TMEM183A: variants seen among roughly 807,000 people sequenced by gnomAD.
TMEM183A encodes the protein chromosome 1 open reading frame 37.
TMEM183A carries 21 observed loss-of-function variants against 46.7 expected under a neutral mutation model. The ratio of observed to expected loss-of-function variants is 0.45; its 90% CI spans 0.32 to 0.65. TMEM183A has a LOEUF of 0.65. Among genes scored for constraint, TMEM183A ranks in the 30% least tolerant of loss-of-function variants. The probability of loss-of-function intolerance (pLI) is 0.04; values close to 1 mark genes in which losing one functional copy is unlikely to be tolerated. For synonymous variants in TMEM183A, 165 were observed against 180.2 expected (o/e 0.92, Z 0.68); for missense variants, 331 against 481.9 (o/e 0.69, Z 2.93).
At chr1:203,022,223 C>T (rs1247490805) in intron 7 of TMEM183A, among the ~76,000 whole-genome samples, 1 of 152,038 alleles carries the variant, frequency 6.6e-6, no homozygotes, top group Admixed American at 6.6e-5. Context: ...CAGGTGCCTG[C>T]CACCACACCC....
intron 6 of TMEM183A, 85 bp from the exon 7 acceptor site, chr1:203,020,708 T>G: frequency 5.5e-5 from 85 of 1,546,336 alleles, no homozygotes; most frequent in Non-Finnish European, 6.7e-5. Context: ...TAGCTTTAGT[T>G]GAGCCATAGG....
intron 3 of TMEM183A, among the ~76,000 whole-genome samples, chr1:203,009,117 A>G (rs1455650914): frequency 3.9e-5 from 6 of 152,230 alleles, no homozygotes; most frequent in Non-Finnish European, 7.3e-5. Context: ...CCATAAGGCA[A>G]TGTGAAAATA....
chr1:203,021,328 GC>G (rs1207093043), intron 7 of TMEM183A, among the ~76,000 whole-genome samples: 1 of 152,012 alleles, frequency 6.6e-6, no homozygotes, highest in Non-Finnish European at 1.5e-5. Flanking sequence ...ACTGCATTCA[GC>G]TTTTTTATAG....
intron 5 of TMEM183A, chr1:203,017,785 GT>G (rs1265545454): frequency 1.1e-5 from 11 of 985,812 alleles, no homozygotes; most frequent in Non-Finnish European, 1.1e-5. Context: ...CACTGGAGCC[GT>G]TGTGATGGCA....
chr1:203,022,789 T>C, intron 7 of TMEM183A, 66 bp from the exon 8 acceptor site: 1 of 1,607,484 alleles, frequency 6.2e-7, no homozygotes, highest in Non-Finnish European at 8.5e-7. Context: ...ACTATTTCAT[T>C]TCAGAGTGAG....
intron 3 of TMEM183A, among the ~76,000 whole-genome samples, chr1:203,012,455 C>T (rs1248712190): frequency 6.6e-6 from 1 of 152,106 alleles, no homozygotes; most frequent in Admixed American, 6.5e-5. Flanking sequence ...TTCTGAGTCC[C>T]TTGGTTTCAT....
In TMEM183A at chr1:203,012,547, A is replaced by G. The variant is rs147107915; in HGVS notation, c.368-2342A>G. On this transcript the variant is annotated intron_variant, in intron 3 of 7. Coordinates refer to ENST00000367242, the MANE Select transcript of TMEM183A (RefSeq NM_138391.6). The stretch of plus-strand genomic sequence containing the variant: ...TGTCCTTCATGATTTATCTCCATGA[A>G]GCTTTCATTTACTGATTCTATTTCC... Among the ~76,000 whole-genome samples, 28 of 152,330 alleles carry G rather than the reference A, an allele frequency of 1.8e-4. No homozygotes were observed. In the East Asian group the frequency reaches 4.8e-3, roughly 26 times the overall value.
At position 203,015,968 on chromosome 1, in the gene TMEM183A, C is replaced by T. The variant is rs367857593; in HGVS notation, c.536C>T (p.Thr179Met). The T allele has an allele frequency of 7.4e-6, 12 of 1,613,750 alleles. No homozygotes were observed. Among genetic ancestry groups the T allele is most frequent in the Admixed American group, 1.7e-5 (1 of 59,998 alleles). Residue 179 changes from threonine to methionine, a missense_variant, in exon 5 of 8, where the codon ACG (threonine) becomes ATG (methionine). Physicochemically the swap from Thr to Met is moderately conservative, Grantham distance 81. Around this residue, in one of 2 missense-constraint regions of TMEM183A, gnomAD observed 233 missense variants for 385.8 expected, o/e 0.60. Coordinates refer to ENST00000367242, the MANE Select transcript of TMEM183A (RefSeq NM_138391.6). ...AATGTGTCATGTTTCAGGCACTACA[C>T]GCTGGATGCTTCCCTGCCTTTGCGT... ...FWTRLYRRHYTLDASLPLRLR... is the reference protein window; with the variant it reads ...FWTRLYRRHYMLDASLPLRLR...
rs187597896 is a variant in TMEM183A, at chr1:203,015,813, A to G, written c.528-147A>G. 12 of 1,009,016 alleles carry G rather than the reference A, an allele frequency of 1.2e-5. No individual in the cohort carries two copies. In the East Asian group the frequency reaches 2.9e-4, roughly 25 times the overall value. The allele number at this position is 1,009,016 out of a possible 1,614,324, so 62.5% of individuals were successfully genotyped here. On this transcript the variant is annotated intron_variant, in intron 4 of 7. Coordinates refer to ENST00000367242, the MANE Select transcript of TMEM183A (RefSeq NM_138391.6). ...CAAGGCAAAGACGTAAAAGTCGCCA[A>G]GAGGTCAAGTAGCACTGGGGACAGG...
chr1:203,015,967 A>G lies in TMEM183A; in HGVS notation c.535A>G (p.Thr179Ala). ...TAATGTGTCATGTTTCAGGCACTAC[A>G]CGCTGGATGCTTCCCTGCCTTTGCG... ...FWTRLYRRHY[T>A]LDASLPLRLR... Residue 179 changes from threonine to alanine, a missense_variant, in exon 5 of 8, where the codon ACG (threonine) becomes GCG (alanine). Transcript: ENST00000367242. 6.2e-7 allele frequency: 1 copy of G among 1,613,916 alleles called. No homozygotes were observed. Among genetic ancestry groups the G allele is most frequent in the South Asian group, 1.1e-5 (1 of 91,072 alleles).
intron 6 of TMEM183A, 66 bp from the exon 7 acceptor site, chr1:203,020,727 T>C: frequency 1.9e-6 from 3 of 1,594,916 alleles, no homozygotes; most frequent in Non-Finnish European, 2.6e-6. Flanking sequence ...GGATTTTCTT[T>C]GGTGGACTCT....
intron 2 of TMEM183A, among the ~76,000 whole-genome samples, chr1:203,008,170 A>G (rs769487332): frequency 3.9e-5 from 6 of 152,144 alleles, no homozygotes; most frequent in Non-Finnish European, 8.8e-5. Context: ...TTCCTTGTTT[A>G]ATAACCTTGG....
intron 3 of TMEM183A, among the ~76,000 whole-genome samples, chr1:203,012,278 C>CACACACACACACACACACACACA: frequency 6.8e-6 from 1 of 147,274 alleles, no homozygotes; most frequent in Middle Eastern, 3.5e-3. Context: ...CACACACACA[C>CACACACACACACACACACACACA]GGTTATTTTG....
At position 203,015,074 on chromosome 1, in the gene TMEM183A, T is replaced by C. The variant is rs553827332; in HGVS notation, c.527+26T>C. Reference sequence around the variant, plus strand: ...GTGCGACCACAGAGAGCTCACTCTTTTATCTGTGTGGCTGATTTCATTACT... The same window carrying C: ...GTGCGACCACAGAGAGCTCACTCTTCTATCTGTGTGGCTGATTTCATTACT... On this transcript the variant is annotated intron_variant, in intron 4 of 7. Coordinates refer to ENST00000367242, the MANE Select transcript of TMEM183A (RefSeq NM_138391.6). 3.7e-6 allele frequency: 6 copies of C among 1,606,786 alleles called. No homozygotes were observed. In the South Asian group the frequency reaches 4.4e-5, roughly 12 times the overall value.
At chr1:203,008,298 C>A (rs1386821969) in intron 2 of TMEM183A, among the ~76,000 whole-genome samples, 1 of 152,120 alleles carries the variant, frequency 6.6e-6, no homozygotes, top group Non-Finnish European at 1.5e-5. Context: ...AAATTGGATT[C>A]AATTTGTCTC....
chr1:203,016,652 A>G (rs755490954), intron 5 of TMEM183A, among the ~76,000 whole-genome samples: 1 of 152,192 alleles, frequency 6.6e-6, no homozygotes. Flanking sequence ...GTGCCAGGCT[A>G]TTGCCCGGCT....
rs1657974365 is a variant in TMEM183A, at chr1:203,024,191, C to T, written c.*1151C>T. The T allele has an allele frequency of 6.6e-6, 1 of 152,240 alleles. No homozygotes were observed. The highest frequency in any genetic ancestry group is 1.5e-5 in the Non-Finnish European group (1 of 68,058). The allele number at this position is 152,240 out of a possible 1,614,324, so 9.4% of individuals were successfully genotyped here. ...CTTTGCTCTGCCCTGTACTGTGCTG[C>T]TTCTGCTGTCATCCTGTGTGCCTAC... On this transcript the variant is annotated 3_prime_UTR_variant, in exon 8 of 8. Transcript: ENST00000367242.
rs1014627990 is a variant in TMEM183A at position 203,007,575 on chromosome 1, G to A, written c.109+1G>A. 2 of 1,546,934 alleles carry A rather than the reference G, an allele frequency of 1.3e-6. No individual in the cohort carries two copies. Among genetic ancestry groups the A allele is most frequent in the African/African-American group, 1.4e-5 (1 of 73,566 alleles). Reference sequence around the variant, plus strand: ...GCCCACGACGCCTGCTCCGGCCGAGGTGGGCGAGGGGGGCAGGGGCGCTGA... The same window carrying A: ...GCCCACGACGCCTGCTCCGGCCGAGATGGGCGAGGGGGGCAGGGGCGCTGA... On this transcript the variant is annotated splice_donor_variant, in intron 1 of 7. Transcript: ENST00000367242. LOFTEE classifies it high-confidence loss of function.
At chr1:203,008,608 G>C in intron 2 of TMEM183A, 35 bp from the exon 3 acceptor site, 1 of 1,458,632 alleles carries the variant, frequency 6.9e-7, no homozygotes, top group Non-Finnish European at 9.1e-7. Flanking sequence ...GGGTGGAGCT[G>C]TGTGCCATCT....
Sources: gnomAD v4.1 joint callset for allele counts (sites outside exome capture counted in the v4.1 genomes callset) on GRCh38, gnomAD v4.1.1 for gene constraint, gnomAD v4.1.1 regional missense constraint, MANE v1.5 for transcripts, NCBI Gene and HGNC (gene_info 2026-07-23, HGNC 2026-07-21) for gene names.